Variants in TAPBPL observed in about 807,000 individuals in gnomAD.
TAPBPL encodes the protein TAP binding protein like, also known as tapasin-related protein.
TAPBPL carries 32 observed loss-of-function variants against 44.8 expected under a neutral mutation model. The ratio of observed to expected loss-of-function variants is 0.71; its 90% confidence interval spans 0.54 to 0.96. The LOEUF (loss-of-function observed/expected upper bound fraction) is 0.96. Among genes scored for constraint, TAPBPL ranks in the 40% least tolerant of loss-of-function variants. The pLI is 0.00. For missense variants in TAPBPL, 520 were observed against 586.6 expected, an observed-to-expected ratio of 0.89 and a Z score of 1.17; for synonymous variants, 230 against 240.7, an observed-to-expected ratio of 0.96 and a Z score of 0.41.
At chr12:6,470,479 G>A (rs1945745522), downstream of TAPBPL, 2 of 1,613,264 alleles carry the variant, frequency 1.2e-6, no homozygotes, top group Non-Finnish European at 1.7e-6. Flanking sequence ...CGGGAGCTTG[G>A]GGCGAGAGTT....
Position 6,453,621 on chromosome 12 carries a change from T to C in TAPBPL, c.470T>C (p.Leu157Ser). The change falls in exon 3 of 7, where the codon TTG becomes TCG. Residue 157 changes from leucine (L) to serine (S), a missense_variant. Physicochemically the swap from Leu to Ser is moderately radical, Grantham distance 145. Transcript: ENST00000266556. This position sits in a 1 kb window ranked among gnomAD's most constrained non-coding sequence, Gnocchi z 4.8. ...QVSGGGPSIS[L>S]VMKTPRVTKN... ...TCTGGAGGGGGACCTAGCATCTCCT[T>C]GGTGATGAAGACTCCCAGGGTCACC... 1 of 1,614,044 alleles carries C rather than the reference T, an allele frequency of 6.2e-7. No homozygotes were observed. The highest frequency in any genetic ancestry group is 8.5e-7 in the Non-Finnish European group (1 of 1,179,994).
downstream of TAPBPL, chr12:6,462,739 G>T: frequency 1.5e-6 from 2 of 1,330,142 alleles, no homozygotes; most frequent in South Asian, 1.4e-5. Flanking sequence ...CTCCAGCGGT[G>T]ACCCCCTGCA....
chr12:6,461,522 T>C (rs2136995756), intron 6 of TAPBPL: 1 of 922,714 alleles, frequency 1.1e-6, no homozygotes. Flanking sequence ...GGCCCTTGTG[T>C]CTGCTGCGAC....
At chr12:6,470,470 G>C (rs1394302499), downstream of TAPBPL, 6 of 1,612,070 alleles carry the variant, frequency 3.7e-6, no homozygotes, top group African/African-American at 6.7e-5. Context: ...CCGCAGAATC[G>C]GGAGCTTGGG....
chr12:6,453,700 G>A lies in TAPBPL; in HGVS notation c.549G>A (p.Gly183=). ...TGAACTTGCCACTGAGCCCCCAGGG[G>A]ACTGTGCGAACTGCAGGTAAGAAAA... ...PTLNLPLSPQ[G]TVRTAVEFQV... Residue 183 remains glycine (G), a synonymous_variant, in exon 3 of 7, where the codon GGG becomes GGA. Transcript: ENST00000266556. The surrounding 1 kb of genome is among the most constrained non-coding windows in gnomAD (Gnocchi z 4.8). The A allele has an allele frequency of 6.2e-7, 1 of 1,607,264 alleles. No homozygotes were observed. Among genetic ancestry groups the A allele is most frequent in the Non-Finnish European group, 8.5e-7 (1 of 1,176,306 alleles).
At chr12:6,463,619 C>T, downstream of TAPBPL, 1 of 1,080,548 alleles carries the variant, frequency 9.3e-7, no homozygotes, top group Non-Finnish European at 1.1e-6. This position sits in a 1 kb window ranked among gnomAD's most constrained non-coding sequence, Gnocchi z 4.0. Context: ...GGCAATCTCT[C>T]TCTTTATGCC....
rs773749610 is a variant in TAPBPL at position 6,462,148 on chromosome 12, G to A, written c.1406G>A (p.Ter469=). 6 of 1,601,372 alleles carry A rather than the reference G, an allele frequency of 3.7e-6. No individual in the cohort carries two copies. In the South Asian group the frequency reaches 5.5e-5, roughly 15 times the overall value. ...DRTARVSQPS[*] ...ACAGCGCGTGTAAGCCAGCCCAGCTGACCTAAAGCGACATGAGACTACTAG... is the reference window on the plus strand; with the variant it reads ...ACAGCGCGTGTAAGCCAGCCCAGCTAACCTAAAGCGACATGAGACTACTAG... Residue 469 remains the stop codon, a stop_retained_variant, in exon 7 of 7, where the codon TGA becomes TAA. Coordinates refer to ENST00000266556, the MANE Select transcript of TAPBPL (RefSeq NM_018009.5).
At chr12:6,465,696 G>C, downstream of TAPBPL, 1 of 1,152,850 alleles carries the variant, frequency 8.7e-7, no homozygotes, top group Non-Finnish European at 1.2e-6. Flanking sequence ...ATCTCAAGAG[G>C]AGGCTTTCCA....
At position 6,453,602 on chromosome 12, in the gene TAPBPL, G is replaced by T. The variant is rs7295376; in HGVS notation, c.451G>T (p.Gly151Trp). 6.2e-7 allele frequency: 1 copy of T among 1,613,946 alleles called. No individual in the cohort carries two copies. Among genetic ancestry groups the T allele is most frequent in the East Asian group, 2.2e-5 (1 of 44,886 alleles). The part of the protein sequence containing the change: ...WFMANMQVSG[G>W]GPSISLVMKT... Reference sequence around the variant, plus strand: ...CATGGCCAACATGCAGGTCTCTGGAGGGGGACCTAGCATCTCCTTGGTGAT... The same window carrying T: ...CATGGCCAACATGCAGGTCTCTGGATGGGGACCTAGCATCTCCTTGGTGAT... Residue 151 changes from glycine (G) to tryptophan (W), a missense_variant, in exon 3 of 7, where the codon GGG becomes TGG. Gly to Trp is a radical substitution (Grantham distance 184, BLOSUM62 -2). Coordinates refer to ENST00000266556, the MANE Select transcript of TAPBPL (RefSeq NM_018009.5). This position sits in a 1 kb window ranked among gnomAD's most constrained non-coding sequence, Gnocchi z 4.8.
downstream of TAPBPL, among the ~76,000 whole-genome samples, chr12:6,468,815 A>G (rs1193451808): frequency 6.6e-6 from 1 of 152,204 alleles, no homozygotes; most frequent in East Asian, 1.9e-4. Flanking sequence ...TTCTCGGCCA[A>G]GGAAGCACCC....
At chr12:6,459,257 T>C (rs1217303542) in intron 5 of TAPBPL, among the ~76,000 whole-genome samples, 2 of 152,110 alleles carry the variant, frequency 1.3e-5, no homozygotes, top group African/African-American at 2.4e-5. Context: ...CAAGACTAAG[T>C]AGACAGAGAA....
chr12:6,466,299 C>G (rs1056389825), downstream of TAPBPL: 6 of 1,614,056 alleles, frequency 3.7e-6, no homozygotes, highest in African/African-American at 4.0e-5. Flanking sequence ...GGGGGACCCC[C>G]ACCTGGGGCA....
chr12:6,453,053 G>A lies in TAPBPL; in HGVS notation c.65-14G>A. 1 of 1,561,758 alleles carries A rather than the reference G, an allele frequency of 6.4e-7. No individual in the cohort carries two copies. On this transcript the variant is annotated splice_polypyrimidine_tract_variant and intron_variant, in intron 1 of 6. Transcript: ENST00000266556. The surrounding 1 kb of genome is among the most constrained non-coding windows in gnomAD (Gnocchi z 4.8). ...TCTGGGGAAGGCGGTGCTCACCCCA[G>A]CCTTTGTCTGCAGAGCCCCACCCAG...
Position 6,452,105 on chromosome 12 carries a change from G to A in TAPBPL, c.-144G>A. 1.0e-6 allele frequency: 1 copy of A among 965,464 alleles called. No homozygotes were observed. The highest frequency in any genetic ancestry group is 1.6e-6 in the Non-Finnish European group (1 of 634,110). The allele number at this position is 965,464 out of a possible 1,614,324, so 59.8% of individuals were successfully genotyped here. A position where few individuals can be genotyped will look rare whatever the true frequency, so the allele number is the denominator to read the frequency against. On this transcript the variant is annotated 5_prime_UTR_variant, in exon 1 of 7. Transcript: ENST00000266556. ...CTAAGTGAAAGTGAAAGAAAAGTCG[G>A]CAGCAGAGGGAACAGGGAAGAAACC...
At chr12:6,470,682 C>G (rs1592153814), downstream of TAPBPL, 10 of 992,114 alleles carry the variant, frequency 1.0e-5, no homozygotes, top group Non-Finnish European at 1.5e-5. Context: ...CTTACTGCAG[C>G]TGCCGCGCCG....
chr12:6,455,696 G>T (rs1338549921), intron 3 of TAPBPL, among the ~76,000 whole-genome samples: 1 of 152,046 alleles, frequency 6.6e-6, no homozygotes, highest in Non-Finnish European at 1.5e-5. Flanking sequence ...TCAGGAGACT[G>T]AGGCAGGAGG....
chr12:6,462,171 TAGAAAGAAACGACACCC>T lies in TAPBPL; in HGVS notation c.*23_*39del. On this transcript the variant is annotated 3_prime_UTR_variant, in exon 7 of 7. Coordinates refer to ENST00000266556, the MANE Select transcript of TAPBPL (RefSeq NM_018009.5). ...CTGACCTAAAGCGACATGAGACTAC[TAGAAAGAAACGACACCC>T]TTCCCCAAGCCCCCACAGCTACTCC... 1 of 1,579,134 alleles carries T rather than the reference TAGAAAGAAACGACACCC, an allele frequency of 6.3e-7. No homozygotes were observed. Among genetic ancestry groups the T allele is most frequent in the South Asian group, 1.1e-5 (1 of 88,290 alleles).
intron 5 of TAPBPL, among the ~76,000 whole-genome samples, chr12:6,459,172 A>G (rs1034943728): frequency 1.3e-5 from 2 of 152,186 alleles, no homozygotes; most frequent in Non-Finnish European, 2.9e-5. Flanking sequence ...GTGTCAGGCA[A>G]TGTGCTTAAG....
chr12:6,468,557 C>T (rs1945687612), downstream of TAPBPL, among the ~76,000 whole-genome samples: 2 of 152,232 alleles, frequency 1.3e-5, no homozygotes, highest in Non-Finnish European at 2.9e-5. Flanking sequence ...CCTCAATGTG[C>T]ATGCATTATA....
Sources: gnomAD v4.1 joint callset for allele counts (sites outside exome capture counted in the v4.1 genomes callset) on GRCh38, gnomAD v4.1.1 for gene constraint, Gnocchi (gnomAD v3.1) non-coding constraint, MANE v1.5 for transcripts, NCBI Gene and HGNC (gene_info 2026-07-23, HGNC 2026-07-21) for gene names.